Variants in NCOR1 observed in about 807,000 individuals in gnomAD.
NCOR1 encodes the protein protein phosphatase 1, regulatory subunit 109.
In NCOR1, 63 loss-of-function variants were observed where a neutral mutation model predicts 288.1. The ratio of observed to expected loss-of-function variants is 0.22; its 90% confidence interval spans 0.18 to 0.27. The LOEUF is 0.27. Among genes scored for constraint, NCOR1 ranks in the 10% least tolerant of loss-of-function variants. The pLI is 1.00. For synonymous variants in NCOR1, 1,007 were observed against 1,065.9 expected (o/e 0.94, Z 1.08); for missense variants, 2,397 against 3,019.2 (o/e 0.79, Z 4.83).
rs11868050 is a variant in NCOR1, at chr17:16,134,562, T to C, written c.1509+2749A>G. On this transcript the variant is annotated intron_variant, in intron 14 of 45. Coordinates refer to ENST00000268712, the MANE Select transcript of NCOR1 (RefSeq NM_006311.4). ...GTACAGAAGAGAACACCAACATGGC[T>C]GGATCTTAACAAGGATCGGTGTGCC... Among the ~76,000 whole-genome samples, 998 of 152,352 alleles carry C rather than the reference T, an allele frequency of 6.6e-3. 13 individuals are homozygous for C. Among genetic ancestry groups the C allele is most frequent in the African/African-American group, 0.023 (964 of 41,580 alleles).
At chr17:16,047,222 A>G in intron 41 of NCOR1, 129 bp from the exon 42 acceptor site, 2 of 921,050 alleles carry the variant, frequency 2.2e-6, no homozygotes, top group Non-Finnish European at 3.2e-6. Context: ...TTGTGGTTAC[A>G]GCCCTAAGAA....
intron 40 of NCOR1, among the ~76,000 whole-genome samples, chr17:16,054,240 A>G (rs1424410504): frequency 3.3e-5 from 5 of 152,212 alleles, no homozygotes; most frequent in Admixed American, 3.3e-4. Context: ...TGCACAGAAA[A>G]GGAAACTGTC....
In NCOR1 at chr17:16,030,764, G is replaced by A. The variant is rs1182041058; in HGVS notation, c.*1532C>T. The A allele has an allele frequency of 5.6e-6, 1 of 180,126 alleles. No homozygotes were observed. Among genetic ancestry groups the A allele is most frequent in the Non-Finnish European group, 1.2e-5 (1 of 84,214 alleles). 11.2% of individuals were successfully genotyped at this position (180,126 alleles called of 1,614,324 possible). A position where few individuals can be genotyped will look rare whatever the true frequency, so the allele number is the denominator to read the frequency against. ...TCACTAATTTAACTATATGGGCAAA[G>A]TACTAAACCTGTGTCTTCATCTGTA... is the stretch of plus-strand genomic sequence containing the variant. On this transcript the variant is annotated 3_prime_UTR_variant, in exon 46 of 46. Transcript: ENST00000268712.
Position 16,159,683 on chromosome 17 carries a change from G to A in NCOR1, c.619-810C>T, listed in dbSNP as rs577210048. ...CAATCTTCATGTGTTACAGTGCTCC[G>A]GTCAAAGGGCAATCAACAAAATTAC... is the stretch of plus-strand genomic sequence containing the variant. On this transcript the variant is annotated intron_variant, in intron 5 of 45. Coordinates refer to ENST00000268712, the MANE Select transcript of NCOR1 (RefSeq NM_006311.4). 7.2e-5 allele frequency among the ~76,000 whole-genome samples: 11 copies of A among 152,136 alleles called. No homozygotes were observed. In the South Asian group the frequency reaches 1.0e-3, roughly 14 times the overall value.
intron 1 of NCOR1, among the ~76,000 whole-genome samples, chr17:16,209,637 T>TAA (rs34131313): frequency 0.021 from 2,931 of 142,356 alleles, 89 homozygotes; most frequent in African/African-American, 0.066. Flanking sequence ...CTTTTGGATG[T>TAA]AAAAAAAAAA....
intron 37 of NCOR1, among the ~76,000 whole-genome samples, chr17:16,059,791 C>T (rs1187498779): frequency 6.6e-6 from 1 of 152,210 alleles, no homozygotes; most frequent in African/African-American, 2.4e-5. Context: ...CTAGCCACCA[C>T]CTGCTCCTCT....
intron 40 of NCOR1, among the ~76,000 whole-genome samples, chr17:16,056,129 T>C (rs1203775743): frequency 1.3e-5 from 2 of 152,096 alleles, no homozygotes; most frequent in Non-Finnish European, 2.9e-5. Context: ...ATCTGCTCTT[T>C]GCTCACTTTG....
chr17:16,120,326 C>A (rs1428829269), intron 16 of NCOR1, among the ~76,000 whole-genome samples: 2 of 152,130 alleles, frequency 1.3e-5, no homozygotes, highest in East Asian at 3.9e-4. Flanking sequence ...TATTTAAAAA[C>A]CTCTGCAAGT....
chr17:16,101,717 A>G lies in NCOR1; in HGVS notation c.2223T>C (p.Ala741=), dbSNP rs1243584465. Reference sequence around the variant, plus strand: ...CAGGTTCTGTGTTTCCTCGAGAAGTAGCATTTTCAGGACTGTCCTCGCTGG... The same window carrying G: ...CAGGTTCTGTGTTTCCTCGAGAAGTGGCATTTTCAGGACTGTCCTCGCTGG... The part of the protein sequence containing the change: ...VKPSEDSPEN[A]TSRGNTEPAV... Residue 741 remains alanine (A), a synonymous_variant, in exon 20 of 46, where the codon GCT becomes GCC. Coordinates refer to ENST00000268712, the MANE Select transcript of NCOR1 (RefSeq NM_006311.4). The G allele has an allele frequency of 1.2e-6, 2 of 1,614,244 alleles. No individual in the cohort carries two copies. The highest frequency in any genetic ancestry group is 3.3e-5 in the Admixed American group (2 of 60,034).
intron 3 of NCOR1, among the ~76,000 whole-genome samples, chr17:16,178,281 C>T (rs951001464): frequency 1.3e-5 from 2 of 151,828 alleles, no homozygotes; most frequent in African/African-American, 2.4e-5. Flanking sequence ...AGGCAAATCC[C>T]AAGGTCAGGA....
intron 23 of NCOR1, chr17:16,084,020 T>G (rs189968192): frequency 0.065 from 9,931 of 152,216 alleles, 525 homozygotes; most frequent in African/African-American, 0.15. Context: ...CCTCTGCTGC[T>G]GCCAGGTGCC....
At chr17:16,118,305 A>T (rs2072162822) in intron 17 of NCOR1, among the ~76,000 whole-genome samples, 1 of 152,228 alleles carries the variant, frequency 6.6e-6, no homozygotes, top group Non-Finnish European at 1.5e-5. Flanking sequence ...CTAGGACAAC[A>T]TTAGACACAT....
At chr17:16,075,917 T>C (rs1001246111) in intron 26 of NCOR1, among the ~76,000 whole-genome samples, 1 of 152,232 alleles carries the variant, frequency 6.6e-6, no homozygotes, top group African/African-American at 2.4e-5. Context: ...ACACTTAAAA[T>C]TATGACACGT....
In NCOR1 at chr17:16,029,483, A is replaced by C; in HGVS notation, c.*2813T>G. 1 of 272,558 alleles carries C rather than the reference A, an allele frequency of 3.7e-6. No individual in the cohort carries two copies. The highest frequency in any genetic ancestry group is 7.3e-6 in the Non-Finnish European group (1 of 137,894). The allele number at this position is 272,558 out of a possible 1,614,324, so 16.9% of individuals were successfully genotyped here. ...GTGTACCAAAATTAAAAGCATTATG[A>C]AATTTGCAGTCATAAACATGCAGTG... is the stretch of plus-strand genomic sequence containing the variant. On this transcript the variant is annotated 3_prime_UTR_variant, in exon 46 of 46. Transcript: ENST00000268712.
In NCOR1 at chr17:16,057,622, G is replaced by C. The variant is rs755426829; in HGVS notation, c.6284C>G (p.Thr2095Ser). The C allele has an allele frequency of 6.2e-6, 10 of 1,614,110 alleles. No homozygotes were observed. The South Asian group carries it at 1.1e-4, about 18-fold the overall frequency. The change falls in exon 40 of 46, where the codon ACT (threonine) becomes AGT (serine). Residue 2095 changes from threonine to serine, a missense_variant. This residue lies in a region of NCOR1 where 1,872 missense variants were observed against 2,187.8 expected (regional missense o/e 0.86). Coordinates refer to ENST00000268712, the MANE Select transcript of NCOR1 (RefSeq NM_006311.4). The stretch of plus-strand genomic sequence containing the variant: ...TGGGCTGTAACGGTTTGATGTTTTA[G>C]TCCTCACAGGTGTAGATACCAAAGC... ...PSALVSTPVR[T>S]KTSNRYSPES...
intron 45 of NCOR1, among the ~76,000 whole-genome samples, chr17:16,033,797 C>T (rs1194955121): frequency 6.6e-6 from 1 of 152,012 alleles, no homozygotes; most frequent in African/African-American, 2.4e-5. Flanking sequence ...AACGTACAGA[C>T]AGATGATGGC....
Position 16,065,813 on chromosome 17 carries a change from T to C in NCOR1, c.4742-119A>G, listed in dbSNP as rs1490373872. On this transcript the variant is annotated intron_variant, in intron 32 of 45. Coordinates refer to ENST00000268712, the MANE Select transcript of NCOR1 (RefSeq NM_006311.4). ...TGCTGAGCTAGTGCACATGGAACTTTTACTTAGCTACAAGGATTAAGGTGG... is the reference window on the plus strand; with the variant it reads ...TGCTGAGCTAGTGCACATGGAACTTCTACTTAGCTACAAGGATTAAGGTGG... 5 of 823,370 alleles carry C rather than the reference T, an allele frequency of 6.1e-6. No homozygotes were observed. In the African/African-American group the frequency reaches 6.8e-5, roughly 11 times the overall value. 51.0% of individuals were successfully genotyped at this position (823,370 alleles called of 1,614,324 possible). A position where few individuals can be genotyped will look rare whatever the true frequency, so the allele number is the denominator to read the frequency against.
At chr17:16,065,244 A>G (rs1470036981) in intron 33 of NCOR1, among the ~76,000 whole-genome samples, 1 of 152,220 alleles carries the variant, frequency 6.6e-6, no homozygotes, top group South Asian at 2.1e-4. Flanking sequence ...AAAGAGAGCA[A>G]ATTTGTAAGC....
intron 1 of NCOR1, among the ~76,000 whole-genome samples, chr17:16,203,978 TAGA>T (rs1379135663): frequency 6.6e-6 from 1 of 152,118 alleles, no homozygotes; most frequent in East Asian, 1.9e-4. Context: ...AAAGTTCATC[TAGA>T]AGAACACATA....
Sources: allele counts gnomAD v4.1 joint callset (sites outside exome capture counted in the v4.1 genomes callset), GRCh38; gene constraint gnomAD v4.1.1; regional missense constraint gnomAD v4.1.1; transcripts MANE v1.5; gene names NCBI Gene and HGNC (gene_info 2026-07-23, HGNC 2026-07-21).